The following DCC variants were observed in gnomAD, a reference collection of about 807,000 sequenced individuals.
DCC encodes the protein netrin receptor DCC.
DCC carries 58 observed loss-of-function variants against 172.5 expected under a neutral mutation model. The ratio of observed to expected loss-of-function variants is 0.34; its 90% CI spans 0.27 to 0.42. The LOEUF (loss-of-function observed/expected upper bound fraction) is 0.42. Among genes scored for constraint, DCC ranks in the 10% least tolerant of loss-of-function variants. The probability of loss-of-function intolerance (pLI) is 1.00; values close to 1 mark genes in which losing one functional copy is unlikely to be tolerated. For missense variants in DCC, 1,740 were observed against 1,791.0 expected, an observed-to-expected ratio of 0.97 and a Z score of 0.51; for synonymous variants, 709 against 644.5, an observed-to-expected ratio of 1.10 and a Z score of -1.52.
At chr18:53,174,927 G>A (rs374494812) in intron 8 of DCC, among the ~76,000 whole-genome samples, 12 of 152,200 alleles carry the variant, frequency 7.9e-5, no homozygotes, top group South Asian at 2.1e-4. Flanking sequence ...AAAATCCTCA[G>A]TAAAATACTG....
chr18:52,917,368 T>G (rs1270327778), intron 3 of DCC, among the ~76,000 whole-genome samples: 1 of 152,110 alleles, frequency 6.6e-6, no homozygotes, highest in African/African-American at 2.4e-5. Context: ...AAATCTGTTT[T>G]GATTTTTAGT....
rs961914030 is a variant in DCC, at chr18:52,492,159, A to T, written c.91+151281A>T. ...CTGAGAGTTTGAGTAGGAAATTTGC[A>T]TTCATTAGATTTAGCAACACAACAT... On this transcript the variant is annotated intron_variant, in intron 1 of 28. Transcript: ENST00000442544. Among the ~76,000 whole-genome samples, 5 of 152,086 alleles carry T rather than the reference A, an allele frequency of 3.3e-5. No individual in the cohort carries two copies. In the South Asian group the frequency reaches 1.0e-3, roughly 32 times the overall value.
At chr18:52,451,348 A>G (rs1642064661) in intron 1 of DCC, among the ~76,000 whole-genome samples, 1 of 152,198 alleles carries the variant, frequency 6.6e-6, no homozygotes. Flanking sequence ...AGAGTCAAAC[A>G]GATTTATGGT....
At chr18:53,178,892 C>T (rs2055150646) in intron 8 of DCC, 70 bp from the exon 9 acceptor site, 11 of 1,564,932 alleles carry the variant, frequency 7.0e-6, no homozygotes, top group Non-Finnish European at 9.7e-6. Flanking sequence ...TACTCTTGCA[C>T]ATCAAATACA....
intron 1 of DCC, among the ~76,000 whole-genome samples, chr18:52,359,172 C>A (rs1170152678): frequency 6.6e-6 from 1 of 152,170 alleles, no homozygotes; most frequent in African/African-American, 2.4e-5. Context: ...ATCTCCCCTA[C>A]ATAAATGAGT....
intron 1 of DCC, among the ~76,000 whole-genome samples, chr18:52,593,944 T>C (rs985945590): frequency 6.6e-6 from 1 of 152,198 alleles, no homozygotes; most frequent in Admixed American, 6.5e-5. Context: ...AAGTTCCTGC[T>C]TCCAGGTAAT....
Position 52,842,239 on chromosome 18 carries a change from G to GAAAC in DCC, c.413-63803_413-63800dup, listed in dbSNP as rs538872776. Among the ~76,000 whole-genome samples, 7 of 151,964 alleles carry GAAAC rather than the reference G, an allele frequency of 4.6e-5. No homozygotes were observed. The East Asian group carries it at 7.7e-4, about 17-fold the overall frequency. On this transcript the variant is annotated intron_variant, in intron 2 of 28. Transcript: ENST00000442544. ...AGTAAATCTCACATGATTATTTTTA[G>GAAAC]AAACATATATACATAGTAGGAGAGC...
At chr18:53,194,882 CT>C (rs1456359940) in intron 9 of DCC, among the ~76,000 whole-genome samples, 1 of 152,176 alleles carries the variant, frequency 6.6e-6, no homozygotes, top group African/African-American at 2.4e-5. Context: ...TCTTCATGTT[CT>C]TCTAACAATA....
chr18:52,735,628 G>T (rs971584689), intron 1 of DCC, among the ~76,000 whole-genome samples: 109 of 145,810 alleles, frequency 7.5e-4, no homozygotes, highest in African/African-American at 2.8e-3. Flanking sequence ...AAGTCCAAAA[G>T]TCCAAAAGCT....
At chr18:53,298,586 A>G (rs1279163200) in intron 12 of DCC, among the ~76,000 whole-genome samples, 1 of 150,010 alleles carries the variant, frequency 6.7e-6, no homozygotes, top group African/African-American at 2.4e-5. Flanking sequence ...CAGCAAAGTC[A>G]CAGCAAAACA....
At chr18:53,416,025 GAAA>G (rs1483934683) in intron 20 of DCC, 96 bp from the exon 21 acceptor site, 1 of 862,486 alleles carries the variant, frequency 1.2e-6, no homozygotes, top group Non-Finnish European at 2.0e-6. Flanking sequence ...CACTAGCTTT[GAAA>G]TAAAAACTTA....
chr18:53,424,115 A>T (rs536540822), intron 21 of DCC, among the ~76,000 whole-genome samples: 1 of 152,328 alleles, frequency 6.6e-6, no homozygotes, highest in East Asian at 1.9e-4. Context: ...TGGTAGTTAC[A>T]TTTGTAGATG....
chr18:52,706,536 C>A (rs2036215185), intron 1 of DCC, among the ~76,000 whole-genome samples: 1 of 152,166 alleles, frequency 6.6e-6, no homozygotes, highest in Admixed American at 6.6e-5. Context: ...GTTCATTTAT[C>A]TTCTCCCATT....
chr18:53,186,654 A>G (rs551581348), intron 9 of DCC, among the ~76,000 whole-genome samples: 2 of 152,390 alleles, frequency 1.3e-5, no homozygotes, highest in East Asian at 3.9e-4. Flanking sequence ...CCAACTATGT[A>G]TCCAGCCTTT....
chr18:52,947,528 T>A (rs1025428042), intron 5 of DCC, among the ~76,000 whole-genome samples: 2 of 152,226 alleles, frequency 1.3e-5, no homozygotes, highest in African/African-American at 2.4e-5. Context: ...ACTTTTTCAA[T>A]GTAACTGACC....
chr18:53,446,576 T>A (rs1912624419), intron 22 of DCC, among the ~76,000 whole-genome samples: 1 of 152,200 alleles, frequency 6.6e-6, no homozygotes, highest in Non-Finnish European at 1.5e-5. Flanking sequence ...AGTCTTTTGA[T>A]GTATTAAGAT....
chr18:52,564,869 G>A (rs1425507226), intron 1 of DCC, among the ~76,000 whole-genome samples: 2 of 152,110 alleles, frequency 1.3e-5, no homozygotes, highest in Non-Finnish European at 2.9e-5. Context: ...AGCGCAGATT[G>A]CTTAGGCGGC....
intron 5 of DCC, among the ~76,000 whole-genome samples, chr18:52,971,818 T>G (rs1032763902): frequency 6.6e-6 from 1 of 152,170 alleles, no homozygotes; most frequent in Non-Finnish European, 1.5e-5. Flanking sequence ...CACTGATGAT[T>G]GATCTTAGGT....
intron 12 of DCC, among the ~76,000 whole-genome samples, chr18:53,263,600 C>A (rs888455626): frequency 1.3e-5 from 2 of 152,054 alleles, no homozygotes; most frequent in African/African-American, 4.8e-5. Flanking sequence ...ATTAATGGTG[C>A]ATCTAAAATA....
Sources: allele counts gnomAD v4.1 joint callset (sites outside exome capture counted in the v4.1 genomes callset), GRCh38; gene constraint gnomAD v4.1.1; transcripts MANE v1.5; gene names NCBI Gene and HGNC (gene_info 2026-07-23, HGNC 2026-07-21).